CASD1: variants seen among roughly 807,000 people sequenced by gnomAD.
CASD1 encodes CAS1 domain sialic acid O acetyltransferase 1.
Under a neutral mutation model 100.0 loss-of-function variants are expected in CASD1, and 41 were observed. The observed-to-expected ratio is 0.41, with a 90% CI of 0.32 to 0.53. CASD1 has a LOEUF of 0.53. CASD1 is among the 20% of genes least tolerant of loss of function. The pLI is 0.25. For missense variants in CASD1, 774 were observed against 948.7 expected (o/e 0.82, Z 2.42); for synonymous variants, 321 against 315.6 (o/e 1.02, Z -0.18).
intron 3 of CASD1, among the ~76,000 whole-genome samples, chr7:94,525,804 G>C (rs941682993): frequency 2.0e-5 from 3 of 152,158 alleles, no homozygotes; most frequent in African/African-American, 7.2e-5. Context: ...AATCTAAAAA[G>C]TTAACCTGTT....
At chr7:94,628,631 T>A in the CASD1 span, 1 of 402,628 alleles carries the variant, frequency 2.5e-6, no homozygotes. Context: ...CTAACAGTGA[T>A]ATAGTTCTGC....
chr7:94,599,010 A>G, the CASD1 span: 1 of 1,370,196 alleles, frequency 7.3e-7, no homozygotes, highest in Non-Finnish European at 1.0e-6. Flanking sequence ...ATCATATATT[A>G]GCCTGATGGG....
the CASD1 span, among the ~76,000 whole-genome samples, chr7:94,564,128 T>C: frequency 2.6e-5 from 4 of 152,326 alleles, no homozygotes; most frequent in Admixed American, 6.5e-5. Context: ...TTTGTCTCTT[T>C]CATGTGAATG....
chr7:94,542,203 G>A (rs955487494), intron 10 of CASD1, among the ~76,000 whole-genome samples: 1 of 152,058 alleles, frequency 6.6e-6, no homozygotes, highest in Admixed American at 6.6e-5. Flanking sequence ...ACCTAGGTTC[G>A]ACATCTGTTT....
At chr7:94,601,443 C>CAAAAAAAAAAAAAAAAAAAAAAAAAAAAA in the CASD1 span, among the ~76,000 whole-genome samples, 3 of 89,356 alleles carry the variant, frequency 3.4e-5, 1 homozygote, top group African/African-American at 1.2e-4. Flanking sequence ...ATCCCAGTAT[C>CAAAAAAAAAAAAAAAAAAAAAAAAAAAAA]AAAAAAAAAA....
chr7:94,633,541 A>C, the CASD1 span, among the ~76,000 whole-genome samples: 1 of 152,094 alleles, frequency 6.6e-6, no homozygotes, highest in Non-Finnish European at 1.5e-5. Flanking sequence ...CACAGGGTAT[A>C]GAATCTGCAG....
intron 8 of CASD1, among the ~76,000 whole-genome samples, chr7:94,536,286 A>G (rs1212706680): frequency 1.3e-5 from 2 of 152,192 alleles, no homozygotes; most frequent in Non-Finnish European, 2.9e-5. Context: ...TATCCTAAGC[A>G]TTATTCAAGA....
At chr7:94,586,382 A>G in the CASD1 span, among the ~76,000 whole-genome samples, 1 of 152,242 alleles carries the variant, frequency 6.6e-6, no homozygotes. Flanking sequence ...CAGATAGAAG[A>G]ATTTAGAAAT....
At chr7:94,522,683 GT>G (rs66475631) in intron 3 of CASD1, among the ~76,000 whole-genome samples, 151,367 of 151,384 alleles carry the variant, frequency 1, 75,675 homozygotes, top group Non-Finnish European at 1. Flanking sequence ...TTGAGACGGA[GT>G]TCTCGCTCTG....
Position 94,517,603 on chromosome 7 carries a change from T to C in CASD1, c.177T>C (p.Leu59=). Residue 59 remains leucine, a synonymous_variant, in exon 2 of 18, where the codon CTT becomes CTC. Coordinates refer to ENST00000297273, the MANE Select transcript of CASD1 (RefSeq NM_022900.5). Reference sequence around the variant, plus strand: ...ACCTTCTCTCAAGTGGCAGATTTCTTGGAGAGAAAGTTTGGCAACCTCACA... The same window carrying C: ...ACCTTCTCTCAAGTGGCAGATTTCTCGGAGAGAAAGTTTGGCAACCTCACA... The part of the protein sequence containing the change: ...CEYLLSSGRF[L]GEKVWQPHSC... The C allele has an allele frequency of 6.2e-7, 1 of 1,613,102 alleles. No homozygotes were observed. Among genetic ancestry groups the C allele is most frequent in the South Asian group, 1.1e-5 (1 of 90,898 alleles).
chr7:94,583,591 T>C, the CASD1 span, among the ~76,000 whole-genome samples: 4 of 152,176 alleles, frequency 2.6e-5, no homozygotes, highest in African/African-American at 9.7e-5. Flanking sequence ...GGCTGTCATG[T>C]GTATGGGTAA....
downstream of CASD1, among the ~76,000 whole-genome samples, chr7:94,557,177 A>C (rs115072238): frequency 3.0e-3 from 451 of 152,160 alleles, 3 homozygotes; most frequent in African/African-American, 0.01. Context: ...GCTTTCCACC[A>C]AGGAAGTTTA....
chr7:94,563,444 T>A, the CASD1 span, among the ~76,000 whole-genome samples: 2 of 152,264 alleles, frequency 1.3e-5, no homozygotes, highest in South Asian at 4.1e-4. Flanking sequence ...CACTTTCAAT[T>A]TTTTTCTTAA....
the CASD1 span, among the ~76,000 whole-genome samples, chr7:94,633,146 G>A: frequency 7.9e-5 from 12 of 151,714 alleles, no homozygotes; most frequent in Admixed American, 2.0e-4. Flanking sequence ...AATCTTCTAC[G>A]GCTGCAAATC....
chr7:94,600,096 CTTAA>C, the CASD1 span: 1 of 211,194 alleles, frequency 4.7e-6, no homozygotes, highest in Non-Finnish European at 9.4e-6. Flanking sequence ...GGGAGATTAC[CTTAA>C]TTGACATAGA....
the CASD1 span, chr7:94,590,592 T>G: frequency 6.6e-6 from 1 of 152,222 alleles, no homozygotes; most frequent in African/African-American, 2.4e-5. Context: ...CAGTCCTTTG[T>G]AATAAAGTTT....
intron 9 of CASD1, among the ~76,000 whole-genome samples, chr7:94,538,283 ATATTT>A (rs1033665101): frequency 2.0e-5 from 3 of 152,188 alleles, no homozygotes; most frequent in African/African-American, 7.2e-5. Context: ...GCACACAAAC[ATATTT>A]TATATTTATA....
At chr7:94,592,046 C>G in the CASD1 span, among the ~76,000 whole-genome samples, 1 of 152,130 alleles carries the variant, frequency 6.6e-6, no homozygotes, top group East Asian at 1.9e-4. Context: ...TTCAACATCC[C>G]CTGATTGGGT....
At chr7:94,622,418 C>T in the CASD1 span, 1 of 151,902 alleles carries the variant, frequency 6.6e-6, no homozygotes, top group African/African-American at 2.4e-5. Flanking sequence ...ACATGAAGTC[C>T]GGAGTTTGAG....
Sources: gnomAD v4.1 joint callset for allele counts (sites outside exome capture counted in the v4.1 genomes callset) on GRCh38, gnomAD v4.1.1 for gene constraint, MANE v1.5 for transcripts, NCBI Gene and HGNC (gene_info 2026-07-23, HGNC 2026-07-21) for gene names.